The following PTCHD4 variants were observed in gnomAD, a reference collection of about 807,000 sequenced individuals.
PTCHD4 encodes the protein patched domain containing 4.
In PTCHD4, 33 loss-of-function variants were observed where a neutral mutation model predicts 58.1. The observed-to-expected ratio is 0.57, with a 90% CI of 0.43 to 0.76. The LOEUF (loss-of-function observed/expected upper bound fraction) is 0.76. Ranked by LOEUF, PTCHD4 falls within the 30% of genes least tolerant of loss-of-function variation. The pLI is 0.00. For missense variants in PTCHD4, 1,058 were observed against 1,027.1 expected (o/e 1.03, Z -0.41); for synonymous variants, 478 against 409.6 (o/e 1.17, Z -2.02).
chr6:47,963,170 A>T (rs542408322), intron 4 of PTCHD4, among the ~76,000 whole-genome samples: 1 of 152,150 alleles, frequency 6.6e-6, no homozygotes, highest in Admixed American at 6.5e-5. Flanking sequence ...AAAGAAAAAA[A>T]GAAAAATAGG....
At chr6:48,044,071 C>A (rs779210783) in intron 3 of PTCHD4, among the ~76,000 whole-genome samples, 6 of 151,806 alleles carry the variant, frequency 4.0e-5, no homozygotes, top group Non-Finnish European at 7.4e-5. Flanking sequence ...TTTATGAATT[C>A]TTTCCTGAGA....
At chr6:47,978,172 T>C (rs945367749) in intron 4 of PTCHD4, among the ~76,000 whole-genome samples, 2 of 152,162 alleles carry the variant, frequency 1.3e-5, no homozygotes, top group African/African-American at 4.8e-5. Flanking sequence ...CTCTTGATTC[T>C]TTTAGGATTT....
intron 3 of PTCHD4, among the ~76,000 whole-genome samples, chr6:48,014,358 T>C (rs936944311): frequency 6.6e-6 from 1 of 152,182 alleles, no homozygotes; most frequent in Non-Finnish European, 1.5e-5. Flanking sequence ...GATGCTTCTA[T>C]GTAGGAAAGA....
At chr6:47,947,981 G>A (rs919897550) in intron 4 of PTCHD4, among the ~76,000 whole-genome samples, 2 of 152,130 alleles carry the variant, frequency 1.3e-5, no homozygotes, top group African/African-American at 4.8e-5. Flanking sequence ...GTTTCAAAGT[G>A]CAGTGTTCAA....
chr6:48,090,430 T>C (rs573295014), intron 1 of PTCHD4, among the ~76,000 whole-genome samples: 2 of 152,318 alleles, frequency 1.3e-5, no homozygotes, highest in South Asian at 2.1e-4. Context: ...TAACTTATAT[T>C]GTTTCTAATG....
At chr6:47,979,390 G>A (rs773988532) in intron 4 of PTCHD4, among the ~76,000 whole-genome samples, 4 of 151,884 alleles carry the variant, frequency 2.6e-5, no homozygotes, top group East Asian at 1.9e-4. Context: ...ACATGCACAC[G>A]GATGTGTATG....
At chr6:47,882,807 A>G (rs1764062861) in intron 4 of PTCHD4, among the ~76,000 whole-genome samples, 1 of 143,450 alleles carries the variant, frequency 7.0e-6, no homozygotes, top group Admixed American at 7.4e-5. Context: ...GCCCACAACC[A>G]TGTGCTGTTT....
At position 47,877,931 on chromosome 6, in the gene PTCHD4, CT is replaced by C. The variant is rs1561934128; in HGVS notation, c.*371del. ...AAGTGCCATGGCACATTTCCCATGTCTTTCCCCCTATTTGAAGGACACCTTT... is the reference window on the plus strand; with the variant it reads ...AAGTGCCATGGCACATTTCCCATGTCTTCCCCCTATTTGAAGGACACCTTT... On this transcript the variant is annotated 3_prime_UTR_variant, in exon 5 of 5. Coordinates refer to ENST00000339488, the MANE Select transcript of PTCHD4 (RefSeq NM_001384253.1). 2 of 165,436 alleles carry C rather than the reference CT, an allele frequency of 1.2e-5. No homozygotes were observed. The highest frequency in any genetic ancestry group is 1.9e-4 in the South Asian group (1 of 5,244). The allele number at this position is 165,436 out of a possible 1,614,324, so 10.2% of individuals were successfully genotyped here. A position where few individuals can be genotyped will look rare whatever the true frequency, so the allele number is the denominator to read the frequency against.
At chr6:48,040,827 T>A (rs1413774117) in intron 3 of PTCHD4, among the ~76,000 whole-genome samples, 1 of 152,020 alleles carries the variant, frequency 6.6e-6, no homozygotes, top group Admixed American at 6.6e-5. Flanking sequence ...AAGATTGGTC[T>A]AACTTCCAAG....
At chr6:47,910,801 C>A (rs1765045010) in intron 4 of PTCHD4, among the ~76,000 whole-genome samples, 1 of 152,086 alleles carries the variant, frequency 6.6e-6, no homozygotes. Context: ...CAATAACACC[C>A]TCGCTGAGAC....
intron 4 of PTCHD4, among the ~76,000 whole-genome samples, chr6:47,930,673 TTGAG>T (rs1765785477): frequency 6.6e-6 from 1 of 152,208 alleles, no homozygotes; most frequent in African/African-American, 2.4e-5. Flanking sequence ...AGTTTGGAAT[TTGAG>T]TGAGTTAGCA....
At chr6:48,092,377 T>C (rs1162354569) in intron 1 of PTCHD4, among the ~76,000 whole-genome samples, 1 of 152,182 alleles carries the variant, frequency 6.6e-6, no homozygotes, top group East Asian at 1.9e-4. Context: ...ATTTAAACAT[T>C]GAAGCATTTT....
intron 1 of PTCHD4, among the ~76,000 whole-genome samples, chr6:48,103,953 A>G (rs569021627): frequency 1.2e-4 from 18 of 152,366 alleles, no homozygotes; most frequent in Non-Finnish European, 4.4e-5. Flanking sequence ...GGACTATGTG[A>G]AAAGACCAAA....
At position 47,879,894 on chromosome 6, in the gene PTCHD4, C is replaced by T. The variant is rs562179323; in HGVS notation, c.941G>A (p.Arg314Gln). ...KGVFELLSGW[R>Q]RTKENLPFKD... ...GAAGGGCAAGTTCTCTTTGGTTCTCCGCCATCCGGACAGAAGCTCAAACAC... is the reference window on the plus strand; with the variant it reads ...GAAGGGCAAGTTCTCTTTGGTTCTCTGCCATCCGGACAGAAGCTCAAACAC... The change falls in exon 5 of 5, where the codon CGG (arginine) becomes CAG (glutamine). Residue 314 changes from arginine to glutamine, a missense_variant. Arg to Gln is a conservative substitution (Grantham distance 43). Coordinates refer to ENST00000339488, the MANE Select transcript of PTCHD4 (RefSeq NM_001384253.1). 2.6e-5 allele frequency: 41 copies of T among 1,579,314 alleles called. No homozygotes were observed. In the Middle Eastern group the frequency reaches 5.0e-4, roughly 19 times the overall value.
chr6:47,915,571 AT>A (rs35234678), intron 4 of PTCHD4, among the ~76,000 whole-genome samples: 2,811 of 144,610 alleles, frequency 0.019, 82 homozygotes, highest in African/African-American at 0.061. Flanking sequence ...TAGAAGACAG[AT>A]TTTTTTTTTT....
rs144960089 is a variant in PTCHD4 at position 48,078,834 on chromosome 6, T to G, written c.-969-8908A>C. Among the ~76,000 whole-genome samples the G allele has an allele frequency of 2.7e-3, 412 of 152,244 alleles. 2 individuals carry two copies. The highest frequency in any genetic ancestry group is 8.5e-3 in the African/African-American group (353 of 41,554). On this transcript the variant is annotated intron_variant, in intron 1 of 4. Coordinates refer to ENST00000339488, the MANE Select transcript of PTCHD4 (RefSeq NM_001384253.1). The stretch of plus-strand genomic sequence containing the variant: ...TAATGTTTGTTATGAAATTGCATAT[T>G]TTGGCCGGGCGCGGTGGCTCATGCC...
chr6:47,947,044 A>T (rs1026242799), intron 4 of PTCHD4, among the ~76,000 whole-genome samples: 1 of 152,034 alleles, frequency 6.6e-6, no homozygotes, highest in African/African-American at 2.4e-5. Flanking sequence ...TATGTTGTCT[A>T]GGCTGGTCTG....
chr6:48,027,198 C>T (rs1017958073), intron 3 of PTCHD4, among the ~76,000 whole-genome samples: 1 of 152,144 alleles, frequency 6.6e-6, no homozygotes, highest in East Asian at 1.9e-4. Flanking sequence ...TTAAAAAGTT[C>T]TATTCAAATT....
chr6:47,989,204 G>T (rs988988835), intron 4 of PTCHD4, among the ~76,000 whole-genome samples: 1 of 152,164 alleles, frequency 6.6e-6, no homozygotes, highest in African/African-American at 2.4e-5. Context: ...AGTATCAGAA[G>T]AAATTTCTAA....
Sources: gnomAD v4.1 joint callset for allele counts (sites outside exome capture counted in the v4.1 genomes callset) on GRCh38, gnomAD v4.1.1 for gene constraint, MANE v1.5 for transcripts, NCBI Gene and HGNC (gene_info 2026-07-23, HGNC 2026-07-21) for gene names.